The following MTR variants were observed in gnomAD, a reference collection of about 807,000 sequenced individuals.
MTR encodes methionine synthase.
Under a neutral mutation model 154.8 loss-of-function variants are expected in MTR, and 84 were observed. That is an observed-to-expected ratio of 0.54 (90% CI 0.45 to 0.65). The LOEUF is 0.65. Ranked by LOEUF, MTR falls within the 30% of genes least tolerant of loss-of-function variation. The pLI, the probability that MTR is intolerant of heterozygous loss-of-function variation, is 0.00. For missense variants in MTR, 1,275 were observed against 1,570.2 expected, an observed-to-expected ratio of 0.81 and a Z score of 3.18; for synonymous variants, 554 against 553.9, an observed-to-expected ratio of 1.00 and a Z score of 0.00.
intron 8 of MTR, among the ~76,000 whole-genome samples, chr1:236,817,933 G>A (rs1326099243): frequency 6.6e-6 from 1 of 152,066 alleles, no homozygotes; most frequent in Non-Finnish European, 1.5e-5. Context: ...TTTCTGTAGT[G>A]TTTAGTGGAA....
chr1:236,894,639 C>A, intron 30 of MTR, 82 bp downstream of exon 30: 11 of 1,372,712 alleles, frequency 8.0e-6, no homozygotes, highest in South Asian at 2.3e-5. Flanking sequence ...GAAGACTGAT[C>A]AGCCCTTAGA....
intron 18 of MTR, among the ~76,000 whole-genome samples, chr1:236,855,731 G>A (rs368813978): frequency 1.3e-5 from 2 of 152,160 alleles, no homozygotes; most frequent in Admixed American, 6.5e-5. Context: ...CTTTGTACAC[G>A]TACAGATACA....
intron 15 of MTR, among the ~76,000 whole-genome samples, chr1:236,849,843 A>G (rs145891300): frequency 6.6e-6 from 1 of 152,332 alleles, no homozygotes; most frequent in East Asian, 1.9e-4. Context: ...ATCCTTGAAT[A>G]TGCTTAGAAT....
chr1:236,842,732 A>AAG (rs1467619527), intron 15 of MTR, among the ~76,000 whole-genome samples: 2 of 151,136 alleles, frequency 1.3e-5, no homozygotes, highest in African/African-American at 4.9e-5. Flanking sequence ...CTGTCCTTGC[A>AAG]CGATTTATAT....
intron 22 of MTR, among the ~76,000 whole-genome samples, chr1:236,868,103 T>A (rs1664918485): frequency 6.6e-6 from 1 of 152,178 alleles, no homozygotes; most frequent in Admixed American, 6.5e-5. Context: ...TTGTGAAAGT[T>A]AGATTCAATT....
rs1241494010 is a variant in MTR, at chr1:236,795,419, C to G, written c.-285C>G. 8.9e-6 allele frequency: 13 copies of G among 1,465,926 alleles called. No homozygotes were observed. Among genetic ancestry groups the G allele is most frequent in the Middle Eastern group, 3.5e-4 (2 of 5,642 alleles). The allele number at this position is 1,465,926 out of a possible 1,614,324, so 90.8% of individuals were successfully genotyped here. A position where few individuals can be genotyped will look rare whatever the true frequency, so the allele number is the denominator to read the frequency against. On this transcript the variant is annotated 5_prime_UTR_variant, in exon 1 of 33. Transcript: ENST00000366577. The stretch of plus-strand genomic sequence containing the variant: ...CGTCCCGCGACTCCGCCTCTGGCCG[C>G]GCGTGTCTGGCTGCTAGGCCGACAC...
chr1:236,820,396 C>T, intron 8 of MTR: 1 of 870,536 alleles, frequency 1.1e-6, no homozygotes, highest in Non-Finnish European at 1.9e-6. Flanking sequence ...ATGCAGGTGC[C>T]CTCTGTGCCT....
intron 10 of MTR, among the ~76,000 whole-genome samples, chr1:236,825,689 A>G (rs1179195164): frequency 1.3e-5 from 2 of 152,004 alleles, no homozygotes; most frequent in Non-Finnish European, 2.9e-5. Context: ...AGCCTTCCCA[A>G]ATTGTAGCTT....
intron 3 of MTR, among the ~76,000 whole-genome samples, chr1:236,807,501 C>G (rs1292970463): frequency 6.6e-6 from 1 of 152,156 alleles, no homozygotes; most frequent in Non-Finnish European, 1.5e-5. Context: ...TTCCCACTAA[C>G]AGTGAACAAG....
intron 15 of MTR, among the ~76,000 whole-genome samples, chr1:236,845,560 A>G (rs1290170775): frequency 1.3e-5 from 2 of 152,212 alleles, no homozygotes; most frequent in East Asian, 3.9e-4. Context: ...TATTCCAACA[A>G]AAGAATTCAA....
chr1:236,894,620 T>G (rs1572348041), intron 30 of MTR, 63 bp downstream of exon 30: 1 of 1,574,436 alleles, frequency 6.4e-7, no homozygotes. Context: ...GAGCCTGGGG[T>G]GGGTGCCTGA....
intron 18 of MTR, among the ~76,000 whole-genome samples, chr1:236,853,348 G>C (rs1286175389): frequency 6.6e-6 from 1 of 152,080 alleles, no homozygotes. Flanking sequence ...AATTTTTCTT[G>C]TACCAAGTAA....
In MTR at chr1:236,891,145, G is replaced by T. The variant is rs1006066689; in HGVS notation, c.3020G>T (p.Arg1007Met). The change falls in exon 29 of 33, where the codon AGG (arginine) becomes ATG (methionine). Residue 1007 changes from arginine (R) to methionine (M), a missense_variant. Coordinates refer to ENST00000366577, the MANE Select transcript of MTR (RefSeq NM_000254.3). ...FNDKTVGGEA[R>M]KVYDDAHNML... The stretch of plus-strand genomic sequence containing the variant: ...GTTTTTCTAATAGGTGGAGAGGCCA[G>T]GAAGGTCTACGATGATGCCCACAAT... 1 of 1,614,184 alleles carries T rather than the reference G, an allele frequency of 6.2e-7. No homozygotes were observed. Among genetic ancestry groups the T allele is most frequent in the Admixed American group, 1.7e-5 (1 of 60,022 alleles).
chr1:236,891,119 T>A lies in MTR; in HGVS notation c.3008-14T>A. The A allele has an allele frequency of 6.2e-7, 1 of 1,614,082 alleles. No homozygotes were observed. Among genetic ancestry groups the A allele is most frequent in the African/African-American group, 1.3e-5 (1 of 75,056 alleles). On this transcript the variant is annotated splice_polypyrimidine_tract_variant and intron_variant, in intron 28 of 32. Transcript: ENST00000366577. ...GGCATCTTTAAGTGAATTCTAATTC[T>A]GTTTTTCTAATAGGTGGAGAGGCCA...
chr1:236,820,504 C>T, intron 8 of MTR: 1 of 1,056,948 alleles, frequency 9.5e-7, no homozygotes, highest in South Asian at 1.3e-5. Flanking sequence ...GTAGCAGCAA[C>T]CACTGAATGG....
rs1660324117 is a variant in MTR, at chr1:236,795,580, A to C, written c.-124A>C. ...GCGACGCGAGCCAACGGGAGGCGTC[A>C]AAAGACCCGGGCCTTGTGTGGCAGG... On this transcript the variant is annotated 5_prime_UTR_variant, in exon 1 of 33. Coordinates refer to ENST00000366577, the MANE Select transcript of MTR (RefSeq NM_000254.3). The C allele has an allele frequency of 6.3e-7, 1 of 1,581,602 alleles. No individual in the cohort carries two copies. The highest frequency in any genetic ancestry group is 8.6e-7 in the Non-Finnish European group (1 of 1,168,668).
intron 27 of MTR, 39 bp from the exon 28 acceptor site, chr1:236,889,142 G>GC: frequency 6.2e-7 from 1 of 1,613,328 alleles, no homozygotes; most frequent in Non-Finnish European, 8.5e-7. Context: ...CAGGCAGGGT[G>GC]CCAGCGTCAG....
intron 22 of MTR, among the ~76,000 whole-genome samples, chr1:236,872,900 A>G (rs543442268): frequency 1.4e-4 from 21 of 152,256 alleles, no homozygotes; most frequent in Admixed American, 6.5e-4. Flanking sequence ...GCTACTCTGG[A>G]GGCTGAGGCA....
In MTR at chr1:236,803,455, A is replaced by T. The variant is rs1660802642; in HGVS notation, c.62A>T (p.Glu21Val). Residue 21 changes from glutamate (E) to valine (V), a missense_variant, in exon 2 of 33, where the codon GAG (glutamate) becomes GTG (valine). Transcript: ENST00000366577. ...GGTCTGAAGAAAACCCTGCGGGATGAGATCAATGCCATTCTGCAGAAGAGG... is the reference window on the plus strand; with the variant it reads ...GGTCTGAAGAAAACCCTGCGGGATGTGATCAATGCCATTCTGCAGAAGAGG... ...PEGLKKTLRD[E>V]INAILQKRIM... is the part of the protein sequence containing the mutation. 6.2e-7 allele frequency: 1 copy of T among 1,614,172 alleles called. No homozygotes were observed. Among genetic ancestry groups the T allele is most frequent in the Non-Finnish European group, 8.5e-7 (1 of 1,180,018 alleles).
Sources: gnomAD v4.1 joint callset for allele counts (sites outside exome capture counted in the v4.1 genomes callset) on GRCh38, gnomAD v4.1.1 for gene constraint, MANE v1.5 for transcripts, NCBI Gene and HGNC (gene_info 2026-07-23, HGNC 2026-07-21) for gene names.